The following LMO7 variants were observed in gnomAD, a reference collection of about 807,000 sequenced individuals.
LMO7 encodes LIM domain only protein 7.
A neutral mutation model predicts 206.5 loss-of-function variants in LMO7; 120 were observed. The observed-to-expected ratio is 0.58, with a 90% CI of 0.50 to 0.68. The LOEUF (loss-of-function observed/expected upper bound fraction) is 0.68. LMO7 is among the 30% of genes least tolerant of loss of function. LMO7 has a pLI of 0.00. For missense variants in LMO7, 1,959 were observed against 1,957.9 expected (o/e 1.00, Z -0.01); for synonymous variants, 706 against 681.5 (o/e 1.04, Z -0.56).
At chr13:75,824,638 CTCTT>C (rs1210690652) in intron 15 of LMO7, among the ~76,000 whole-genome samples, 2 of 152,166 alleles carry the variant, frequency 1.3e-5, no homozygotes, top group Non-Finnish European at 1.5e-5. Context: ...AAGTGTCTCT[CTCTT>C]AGAAAGATTC....
intron 3 of LMO7, chr13:75,760,606 G>A: frequency 7.1e-7 from 1 of 1,412,310 alleles, no homozygotes; most frequent in African/African-American, 1.4e-5. Context: ...TGTTTGCAGA[G>A]CAGAGCTGAC....
chr13:75,804,397 C>T lies in LMO7; in HGVS notation c.770C>T (p.Pro257Leu). 1 of 1,614,080 alleles carries T rather than the reference C, an allele frequency of 6.2e-7. No individual in the cohort carries two copies. The highest frequency in any genetic ancestry group is 1.1e-5 in the South Asian group (1 of 91,074). The stretch of plus-strand genomic sequence containing the variant: ...GCTGTTGAGCCAAAGACTGCGTTAC[C>T]CTTCAATCGTTTTTTACCCAACAAA... ...ISAVEPKTAL[P>L]FNRFLPNKSR... Residue 257 changes from proline to leucine, a missense_variant, in exon 8 of 31, where the codon CCC becomes CTC. Transcript: ENST00000377534.
In LMO7 at chr13:75,804,484, A is replaced by G; in HGVS notation, c.857A>G (p.Asp286Gly). Residue 286 changes from aspartate to glycine, a missense_variant, in exon 8 of 31, where the codon GAT becomes GGT. Physicochemically the swap from Asp to Gly is moderately conservative, Grantham distance 94. Transcript: ENST00000377534. ...LRKKKPDKHE[D>G]NRRSWASPVY... ...AAGAAAAAGCCAGACAAACATGAGG[A>G]TAACAGAAGAAGTTGGGCAAGCCCG... 6.2e-7 allele frequency: 1 copy of G among 1,614,200 alleles called. No homozygotes were observed.
intron 6 of LMO7, 132 bp downstream of exon 6, chr13:75,796,881 T>C (rs2054086293): frequency 1.6e-6 from 1 of 630,338 alleles, no homozygotes; most frequent in African/African-American, 1.8e-5. Flanking sequence ...TGTCCTACTA[T>C]CAATTGGGCT....
chr13:75,719,889 G>GTA (rs1378790501), intron 2 of LMO7, among the ~76,000 whole-genome samples: 1 of 152,176 alleles, frequency 6.6e-6, no homozygotes, highest in Non-Finnish European at 1.5e-5. Context: ...TATGGTAAGA[G>GTA]TATATTTAGT....
intron 1 of LMO7, among the ~76,000 whole-genome samples, chr13:75,655,377 A>G (rs1171108384): frequency 6.6e-6 from 1 of 152,024 alleles, no homozygotes; most frequent in Non-Finnish European, 1.5e-5. Context: ...CTTGTTGTAT[A>G]TTTTAAAAAT....
At chr13:75,641,794 G>A (rs983799496) in intron 1 of LMO7, among the ~76,000 whole-genome samples, 10 of 151,396 alleles carry the variant, frequency 6.6e-5, no homozygotes, top group Admixed American at 5.9e-4. Flanking sequence ...AGCTGGGAGT[G>A]TACCACCATG....
At chr13:75,849,433 T>C in intron 27 of LMO7, 141 bp downstream of exon 27, 2 of 626,984 alleles carry the variant, frequency 3.2e-6, no homozygotes, top group Non-Finnish European at 5.6e-6. Context: ...TCAGTTTACA[T>C]GACCACATCT....
At chr13:75,839,828 C>A in intron 20 of LMO7, 1 of 341,298 alleles carries the variant, frequency 2.9e-6, no homozygotes. Flanking sequence ...ATTGATCCTA[C>A]TCTAATACCT....
chr13:75,811,532 A>C, intron 11 of LMO7, among the ~76,000 whole-genome samples: 1 of 152,244 alleles, frequency 6.6e-6, no homozygotes. Flanking sequence ...ACATGCTGTC[A>C]TTGAAAAATA....
chr13:75,627,055 AT>A (rs1407580212), intron 2 of LMO7: 1 of 152,130 alleles, frequency 6.6e-6, no homozygotes, highest in Non-Finnish European at 1.5e-5. Context: ...ATTTCCTCTA[AT>A]GTATGGGTTG....
chr13:75,806,837 G>A (rs1293765424), intron 9 of LMO7: 1 of 152,488 alleles, frequency 6.6e-6, no homozygotes, highest in East Asian at 1.9e-4. Context: ...AGGGATACCA[G>A]GGGCCAGGCG....
At chr13:75,733,854 T>G (rs1200950543) in intron 3 of LMO7, among the ~76,000 whole-genome samples, 1 of 152,240 alleles carries the variant, frequency 6.6e-6, no homozygotes. Context: ...CCTGGCTTAT[T>G]TCTTCCACAA....
At chr13:75,825,356 G>A (rs1447651339) in intron 15 of LMO7, among the ~76,000 whole-genome samples, 1 of 152,134 alleles carries the variant, frequency 6.6e-6, no homozygotes, top group African/African-American at 2.4e-5. Flanking sequence ...CAACAAAGCA[G>A]CCTGAATCAT....
Position 75,856,495 on chromosome 13 carries a change from T to C in LMO7, c.4771-11T>C, listed in dbSNP as rs2060971117. ...ACTGATTGTAGATGTTCTTTTTTTT[T>C]TGTTCCCCAGTGTGTTGCCTGTGAG... is the stretch of plus-strand genomic sequence containing the variant. On this transcript the variant is annotated splice_polypyrimidine_tract_variant and intron_variant, in intron 29 of 30. Transcript: ENST00000377534. The C allele has an allele frequency of 6.4e-7, 1 of 1,564,786 alleles. No individual in the cohort carries two copies. Among genetic ancestry groups the C allele is most frequent in the South Asian group, 1.1e-5 (1 of 89,844 alleles).
intron 4 of LMO7, among the ~76,000 whole-genome samples, chr13:75,770,557 T>C (rs990102568): frequency 1.3e-5 from 2 of 152,084 alleles, no homozygotes; most frequent in Non-Finnish European, 2.9e-5. Context: ...AAAAACATGC[T>C]TAAGTCTTAA....
intron 3 of LMO7, among the ~76,000 whole-genome samples, chr13:75,727,392 C>T (rs1594559092): frequency 6.6e-6 from 1 of 151,754 alleles, no homozygotes; most frequent in South Asian, 2.1e-4. Context: ...TTACTAATTT[C>T]TAAACTAAAT....
chr13:75,752,191 G>T (rs1048910288), intron 3 of LMO7, among the ~76,000 whole-genome samples: 1 of 151,866 alleles, frequency 6.6e-6, no homozygotes, highest in South Asian at 2.1e-4. Context: ...GAGTGCAATG[G>T]CGTGATCTTG....
chr13:75,636,803 C>CA, intron 1 of LMO7, 77 bp downstream of exon 1: 1 of 1,396,808 alleles, frequency 7.2e-7, no homozygotes, highest in Non-Finnish European at 9.9e-7. Context: ...ACTGCAGCCC[C>CA]AGTCACTCTG....
Sources: allele counts gnomAD v4.1 joint callset (sites outside exome capture counted in the v4.1 genomes callset), GRCh38; gene constraint gnomAD v4.1.1; transcripts MANE v1.5; gene names NCBI Gene and HGNC (gene_info 2026-07-23, HGNC 2026-07-21).